The following PREX1 variants were observed in gnomAD, a reference collection of about 807,000 sequenced individuals.
PREX1 encodes phosphatidylinositol 3,4,5-trisphosphate-dependent Rac exchanger 1 protein.
PREX1 carries 41 observed loss-of-function variants against 198.3 expected under a neutral mutation model. That is an observed-to-expected ratio of 0.21 (90% confidence interval 0.16 to 0.27). PREX1 has a LOEUF of 0.27. PREX1 is among the 10% of genes least tolerant of loss of function. PREX1 has a pLI of 1.00. For synonymous variants in PREX1, 843 were observed against 887.2 expected (o/e 0.95, Z 0.89); for missense variants, 1,620 against 2,200.7 (o/e 0.74, Z 5.28).
intron 30 of PREX1, 71 bp downstream of exon 30, chr20:48,639,695 G>A: frequency 6.3e-7 from 1 of 1,575,170 alleles, no homozygotes; most frequent in Non-Finnish European, 8.6e-7. Context: ...ATCCATTCCT[G>A]ATTCTCTCAG....
rs762870908 is a variant in PREX1, at chr20:48,700,884, A to G, written c.786T>C (p.Gly262=). Residue 262 remains glycine, a splice_region_variant and synonymous_variant, in exon 7 of 40, where the codon GGT becomes GGC. Coordinates refer to ENST00000371941, the MANE Select transcript of PREX1 (RefSeq NM_020820.4). ...QLQSHIEGWE[G]SNLTDICTQL... The stretch of plus-strand genomic sequence containing the variant: ...GAGTGCAGATGTCTGTGAGGTTGGA[A>G]CCCTGGAAGCGCAATGAGGACACAG... 6.8e-6 allele frequency: 11 copies of G among 1,614,112 alleles called. No homozygotes were observed. In the South Asian group the frequency reaches 9.9e-5, roughly 15 times the overall value.
upstream of PREX1, among the ~76,000 whole-genome samples, chr20:48,832,395 A>G (rs1416619989): frequency 2.0e-5 from 3 of 152,200 alleles, no homozygotes; most frequent in Non-Finnish European, 2.9e-5. Flanking sequence ...AGGAAAACTA[A>G]TTAAGTTAAA....
At chr20:48,875,936 C>A in the PREX1 span, among the ~76,000 whole-genome samples, 1 of 152,146 alleles carries the variant, frequency 6.6e-6, no homozygotes, top group South Asian at 2.1e-4. Context: ...AGGAGAAAGG[C>A]ATAGGGGAAT....
the PREX1 span, among the ~76,000 whole-genome samples, chr20:48,851,259 C>A: frequency 2.0e-5 from 3 of 152,186 alleles, no homozygotes; most frequent in African/African-American, 7.2e-5. Flanking sequence ...GTAATCCCAG[C>A]ACTTTGGGAG....
chr20:48,760,733 G>A (rs985852718), intron 1 of PREX1, among the ~76,000 whole-genome samples: 2 of 152,120 alleles, frequency 1.3e-5, no homozygotes, highest in African/African-American at 4.8e-5. Flanking sequence ...ATCCCAGCAA[G>A]TGTTAACCAG....
chr20:48,752,767 C>A (rs993575402), intron 1 of PREX1, among the ~76,000 whole-genome samples: 1 of 152,176 alleles, frequency 6.6e-6, no homozygotes, highest in Non-Finnish European at 1.5e-5. Context: ...CCCAAGTATG[C>A]TACTTGCCCT....
intron 33 of PREX1, among the ~76,000 whole-genome samples, chr20:48,633,527 C>T (rs1055014661): frequency 5.9e-5 from 9 of 152,164 alleles, no homozygotes; most frequent in Non-Finnish European, 1.0e-4. Flanking sequence ...CCTAATTAAA[C>T]CCACATGCCT....
intron 6 of PREX1, among the ~76,000 whole-genome samples, chr20:48,701,535 T>C (rs561795811): frequency 6.6e-6 from 1 of 151,106 alleles, no homozygotes; most frequent in Non-Finnish European, 1.5e-5. Flanking sequence ...TTATTGTGGG[T>C]TTTTTTTTCA....
At chr20:48,753,388 G>C (rs1181004125) in intron 1 of PREX1, among the ~76,000 whole-genome samples, 1 of 152,118 alleles carries the variant, frequency 6.6e-6, no homozygotes, top group Non-Finnish European at 1.5e-5. Context: ...TCTCAACTTG[G>C]GGGTGATTTT....
At position 48,625,390 on chromosome 20, in the gene PREX1, CT is replaced by C; in HGVS notation, c.*494del. The C allele has an allele frequency of 6.5e-6, 1 of 153,126 alleles. No individual in the cohort carries two copies. Among genetic ancestry groups the C allele is most frequent in the Non-Finnish European group, 1.5e-5 (1 of 68,382 alleles). 9.5% of individuals were successfully genotyped at this position (153,126 alleles called of 1,614,324 possible). On this transcript the variant is annotated 3_prime_UTR_variant, in exon 40 of 40. Transcript: ENST00000371941. ...CTCTCCTTTCCCGACAGAGCCAAGTCTTTTCCAAGTCCACCAAGCAGGTTAG... is the reference window on the plus strand; with the variant it reads ...CTCTCCTTTCCCGACAGAGCCAAGTCTTTCCAAGTCCACCAAGCAGGTTAG...
chr20:48,629,099 A>G (rs952642616), intron 37 of PREX1, among the ~76,000 whole-genome samples: 17 of 152,080 alleles, frequency 1.1e-4, no homozygotes, highest in Non-Finnish European at 2.2e-4. Context: ...CAAAGGATGG[A>G]GGTAGGAGGC....
At chr20:48,865,097 C>G in the PREX1 span, among the ~76,000 whole-genome samples, 3 of 152,062 alleles carry the variant, frequency 2.0e-5, no homozygotes, top group Admixed American at 6.6e-5. Context: ...GCAGAAAAAG[C>G]CATAAGCTTA....
Position 48,655,299 on chromosome 20 carries a change from C to G in PREX1, c.2200G>C (p.Val734Leu), listed in dbSNP as rs1342925718. ...RGAAPPYVYA[V>L]GRGSEAMAAG... ...CAAGGCTCCCACTCACCTCTCCCCA[C>G]AGCATAGACGTACGGTGGGGCAGCT... The change falls in exon 19 of 40, where the codon GTG becomes CTG. Residue 734 changes from valine to leucine, a missense_variant. Physicochemically the swap from Val to Leu is conservative, Grantham distance 32. This residue lies in a region of PREX1 where 514 missense variants were observed against 611.6 expected (regional missense o/e 0.84). Transcript: ENST00000371941. 2 of 1,582,826 alleles carry G rather than the reference C, an allele frequency of 1.3e-6. No individual in the cohort carries two copies. The highest frequency in any genetic ancestry group is 3.4e-5 in the Admixed American group (2 of 58,964).
At position 48,666,158 on chromosome 20, in the gene PREX1, A is replaced by C; in HGVS notation, c.1738+125T>G. On this transcript the variant is annotated intron_variant, in intron 15 of 39. Transcript: ENST00000371941. This position sits in a 1 kb window ranked among gnomAD's most constrained non-coding sequence, Gnocchi z 4.3. ...GAAGGGGAGGGAGGTGGGATTCGTG[A>C]GCCTCCCCAAACCCCCGGGGGTCTA... 1.1e-6 allele frequency: 1 copy of C among 920,162 alleles called. No individual in the cohort carries two copies. The highest frequency in any genetic ancestry group is 1.6e-6 in the Non-Finnish European group (1 of 607,428). 57.0% of individuals were successfully genotyped at this position (920,162 alleles called of 1,614,324 possible).
chr20:48,699,285 C>G (rs1328201488), intron 7 of PREX1, among the ~76,000 whole-genome samples: 1 of 152,168 alleles, frequency 6.6e-6, no homozygotes, highest in Non-Finnish European at 1.5e-5. Context: ...CTAGTCTTTG[C>G]TAGACAGAGG....
intron 14 of PREX1, among the ~76,000 whole-genome samples, chr20:48,672,109 C>T (rs562073001): frequency 1.3e-5 from 2 of 152,344 alleles, no homozygotes; most frequent in South Asian, 2.1e-4. Flanking sequence ...CAGCCACCAA[C>T]ACTGGAAGTG....
chr20:48,689,827 C>A (rs2089807637), intron 9 of PREX1, among the ~76,000 whole-genome samples: 1 of 152,148 alleles, frequency 6.6e-6, no homozygotes, highest in Non-Finnish European at 1.5e-5. Context: ...TTCCTCTAGA[C>A]AAATAATCCA....
intron 1 of PREX1, among the ~76,000 whole-genome samples, chr20:48,807,207 C>A (rs992805988): frequency 6.6e-6 from 1 of 152,198 alleles, no homozygotes; most frequent in African/African-American, 2.4e-5. Flanking sequence ...TACACTCCCC[C>A]CCATTCTCAG....
At position 48,684,760 on chromosome 20, in the gene PREX1, G is replaced by A. The variant is rs528199312; in HGVS notation, c.1335-3425C>T. On this transcript the variant is annotated intron_variant, in intron 10 of 39. Transcript: ENST00000371941. The surrounding 1 kb of genome is among the most constrained non-coding windows in gnomAD (Gnocchi z 4.2). Reference sequence around the variant, plus strand: ...AGCTGCCTGCCAAGGCCCTGCCTGAGGTGACCCACTTTAACTGCTGAGGCC... The same window carrying A: ...AGCTGCCTGCCAAGGCCCTGCCTGAAGTGACCCACTTTAACTGCTGAGGCC... Among the ~76,000 whole-genome samples, 1 of 152,190 alleles carries A rather than the reference G, an allele frequency of 6.6e-6. No homozygotes were observed. The highest frequency in any genetic ancestry group is 2.4e-5 in the African/African-American group (1 of 41,528).
Sources: gnomAD v4.1 joint callset for allele counts (sites outside exome capture counted in the v4.1 genomes callset) on GRCh38, gnomAD v4.1.1 for gene constraint, gnomAD v4.1.1 regional missense constraint, Gnocchi (gnomAD v3.1) non-coding constraint, MANE v1.5 for transcripts, NCBI Gene and HGNC (gene_info 2026-07-23, HGNC 2026-07-21) for gene names.